Variants in ADAMTS2 observed in about 807,000 individuals in gnomAD.
ADAMTS2 encodes A disintegrin and metalloproteinase with thrombospondin motifs 2.
Under a neutral mutation model 123.0 loss-of-function variants are expected in ADAMTS2, and 50 were observed. The observed-to-expected ratio is 0.41, with a 90% CI of 0.32 to 0.51. The LOEUF is 0.51. Among genes scored for constraint, ADAMTS2 ranks in the 20% least tolerant of loss-of-function variants. The pLI is 0.35. For missense variants in ADAMTS2, 1,494 were observed against 1,705.2 expected (o/e 0.88, Z 2.18); for synonymous variants, 678 against 695.4 (o/e 0.98, Z 0.39).
intron 3 of ADAMTS2, among the ~76,000 whole-genome samples, chr5:179,244,521 AAAGC>A (rs1765738881): frequency 6.6e-6 from 1 of 152,240 alleles, no homozygotes; most frequent in Admixed American, 6.5e-5. Context: ...CTTCAAGCTG[AAAGC>A]AAGTGACCTC....
At chr5:179,261,169 T>G (rs1766212337) in intron 3 of ADAMTS2, among the ~76,000 whole-genome samples, 1 of 152,062 alleles carries the variant, frequency 6.6e-6, no homozygotes, top group East Asian at 1.9e-4. Context: ...TCCCAATATA[T>G]AAGACCCCAG....
intron 3 of ADAMTS2, among the ~76,000 whole-genome samples, chr5:179,223,447 C>A (rs1458102028): frequency 6.6e-6 from 1 of 150,786 alleles, no homozygotes; most frequent in Non-Finnish European, 1.5e-5. Flanking sequence ...CGCACTCACA[C>A]ACGCACACTC....
intron 19 of ADAMTS2, among the ~76,000 whole-genome samples, chr5:179,123,660 T>C (rs911109559): frequency 2.6e-5 from 4 of 152,292 alleles, no homozygotes; most frequent in South Asian, 2.1e-4. Flanking sequence ...AACACCTGAG[T>C]TCAGGCGATC....
At position 179,332,990 on chromosome 5, in the gene ADAMTS2, C is replaced by CCGCTTG. The variant is rs1219422063; in HGVS notation, c.534+10771_534+10776dup. Among the ~76,000 whole-genome samples, 2 of 152,320 alleles carry CCGCTTG rather than the reference C, an allele frequency of 1.3e-5. No homozygotes were observed. The highest frequency in any genetic ancestry group is 2.9e-5 in the Non-Finnish European group (2 of 68,018). On this transcript the variant is annotated intron_variant, in intron 2 of 21. Coordinates refer to ENST00000251582, the MANE Select transcript of ADAMTS2 (RefSeq NM_014244.5). This position sits in a 1 kb window ranked among gnomAD's most constrained non-coding sequence, Gnocchi z 4.2. ...GGGAGCCCTCACCCCCTTATCCTGC[C>CCGCTTG]CGCTTGCCTGTGAGGACCCCTCCCT...
intron 5 of ADAMTS2, among the ~76,000 whole-genome samples, chr5:179,173,212 T>TTAATAATAATAA (rs71589488): frequency 0.02 from 2,889 of 145,138 alleles, 91 homozygotes; most frequent in African/African-American, 0.069. Flanking sequence ...ACCCCATCTC[T>TTAATAATAATAA]TAATAATAAT....
Position 179,115,650 on chromosome 5 carries a change from A to G in ADAMTS2, c.3179-1326T>C, listed in dbSNP as rs1040701503. Among the ~76,000 whole-genome samples, 1 of 152,118 alleles carries G rather than the reference A, an allele frequency of 6.6e-6. No homozygotes were observed. The highest frequency in any genetic ancestry group is 1.5e-5 in the Non-Finnish European group (1 of 68,030). On this transcript the variant is annotated intron_variant, in intron 21 of 21. Coordinates refer to ENST00000251582, the MANE Select transcript of ADAMTS2 (RefSeq NM_014244.5). The surrounding 1 kb of genome is among the most constrained non-coding windows in gnomAD (Gnocchi z 4.4). The stretch of plus-strand genomic sequence containing the variant: ...AGGAACTGAAGGAAGGAAAGAAAGG[A>G]AAAAAGGAAAGGGAGGGAGGGACAA...
chr5:179,153,561 G>A lies in ADAMTS2; in HGVS notation c.1445C>T (p.Pro482Leu), dbSNP rs772710280. ...AHDWPALPQLPGLHYSMNEQC... is the reference protein window; with the variant it reads ...AHDWPALPQLLGLHYSMNEQC... ...CTCGTTCATGGAGTAGTGCAGTCCC[G>A]GGAGCTGGGGCAGCGCCGGCCAGTC... The change falls in exon 9 of 22, where the codon CCG becomes CTG. Residue 482 changes from proline (P) to leucine (L), a missense_variant. Around this residue, in one of 6 missense-constraint regions of ADAMTS2, gnomAD observed 953 missense variants for 1,124.7 expected, o/e 0.85. Transcript: ENST00000251582. 34 of 1,609,894 alleles carry A rather than the reference G, an allele frequency of 2.1e-5. No individual in the cohort carries two copies. In the East Asian group the frequency reaches 5.1e-4, roughly 24 times the overall value.
intron 3 of ADAMTS2, among the ~76,000 whole-genome samples, chr5:179,224,354 C>G (rs1032579418): frequency 6.6e-6 from 1 of 152,242 alleles, no homozygotes; most frequent in African/African-American, 2.4e-5. Flanking sequence ...GCAATTCTCA[C>G]TCGGGCCTCC....
chr5:179,208,163 G>T, intron 3 of ADAMTS2, among the ~76,000 whole-genome samples: 1 of 151,124 alleles, frequency 6.6e-6, no homozygotes, highest in African/African-American at 2.4e-5. Flanking sequence ...CACACTGCCC[G>T]ATGCTGGAGT....
intron 3 of ADAMTS2, among the ~76,000 whole-genome samples, chr5:179,241,480 T>C (rs1036080503): frequency 2.6e-5 from 4 of 152,198 alleles, no homozygotes; most frequent in African/African-American, 9.7e-5. Flanking sequence ...TGCTCTTTCA[T>C]GAGTCAGGGC....
intron 3 of ADAMTS2, among the ~76,000 whole-genome samples, chr5:179,215,478 C>T (rs1764961232): frequency 6.6e-6 from 1 of 152,044 alleles, no homozygotes; most frequent in Admixed American, 6.5e-5. Context: ...AAAAAACTTC[C>T]AAAAACAGAT....
At chr5:179,269,342 G>A (rs535231812) in intron 3 of ADAMTS2, among the ~76,000 whole-genome samples, 15 of 152,290 alleles carry the variant, frequency 9.8e-5, no homozygotes, top group African/African-American at 3.4e-4. Context: ...AGACATACCC[G>A]AGACTGGGCA....
intron 2 of ADAMTS2, among the ~76,000 whole-genome samples, chr5:179,306,281 G>A (rs1756669943): frequency 6.6e-6 from 1 of 152,180 alleles, no homozygotes; most frequent in Admixed American, 6.5e-5. Flanking sequence ...GACAAGTCAT[G>A]TTTGTCCTGG....
rs1764143235 is a variant in ADAMTS2 at position 179,185,267 on chromosome 5, G to A, written c.892-4112C>T. ...GCCTTACGGAAAGTAGATGGAAGGG[G>A]TCAAGATGTGGGAATGTGGGGTTCA... is the stretch of plus-strand genomic sequence containing the variant. On this transcript the variant is annotated intron_variant, in intron 4 of 21. Coordinates refer to ENST00000251582, the MANE Select transcript of ADAMTS2 (RefSeq NM_014244.5). This position sits in a 1 kb window ranked among gnomAD's most constrained non-coding sequence, Gnocchi z 5.9. Among the ~76,000 whole-genome samples, 1 of 152,226 alleles carries A rather than the reference G, an allele frequency of 6.6e-6. No homozygotes were observed. Among genetic ancestry groups the A allele is most frequent in the South Asian group, 2.1e-4 (1 of 4,828 alleles).
rs193242252 is a variant in ADAMTS2 at position 179,307,951 on chromosome 5, G to A, written c.535-34887C>T. On this transcript the variant is annotated intron_variant, in intron 2 of 21. Coordinates refer to ENST00000251582, the MANE Select transcript of ADAMTS2 (RefSeq NM_014244.5). The surrounding 1 kb of genome is among the most constrained non-coding windows in gnomAD (Gnocchi z 5.6). ...TCTGCCCCCTGACCAGGGATCTTAC[G>A]AGAGCAAAGTTGTCCTTGCTGGGTC... 2.3e-4 allele frequency among the ~76,000 whole-genome samples: 35 copies of A among 152,262 alleles called. 1 individual carries two copies. Among genetic ancestry groups the A allele is most frequent in the Admixed American group, 7.2e-4 (11 of 15,298 alleles).
Position 179,128,057 on chromosome 5 carries a change from G to A in ADAMTS2, c.2519C>T (p.Ser840Leu). Residue 840 changes from serine to leucine, a missense_variant, in exon 17 of 22, where the codon TCA becomes TTA. By Grantham distance (145) the Ser-to-Leu change is moderately radical (BLOSUM62 -2). This residue lies in a region of ADAMTS2 where 953 missense variants were observed against 1,124.7 expected (regional missense o/e 0.85). Transcript: ENST00000251582. The surrounding 1 kb of genome is among the most constrained non-coding windows in gnomAD (Gnocchi z 4.9). ...GACGTTGTTGTCGTCGACATTCAGT[G>A]AGTCCTCATGGATCATGTATTTGTA... ...LTYKYMIHED[S>L]LNVDDNNVLE... 2 of 1,614,040 alleles carry A rather than the reference G, an allele frequency of 1.2e-6. No homozygotes were observed. Among genetic ancestry groups the A allele is most frequent in the Non-Finnish European group, 1.7e-6 (2 of 1,180,030 alleles).
At chr5:179,289,941 G>C (rs937265906) in intron 2 of ADAMTS2, among the ~76,000 whole-genome samples, 1 of 152,222 alleles carries the variant, frequency 6.6e-6, no homozygotes. Flanking sequence ...CCTCAGATGG[G>C]AGGAAACGGG....
At position 179,132,382 on chromosome 5, in the gene ADAMTS2, G is replaced by A. The variant is rs897780853; in HGVS notation, c.2210-72C>T. The A allele has an allele frequency of 1.7e-4, 248 of 1,445,452 alleles. No individual in the cohort carries two copies. Among genetic ancestry groups the A allele is most frequent in the Non-Finnish European group, 2.3e-4 (240 of 1,035,892 alleles). The allele number at this position is 1,445,452 out of a possible 1,614,324, so 89.5% of individuals were successfully genotyped here. A position where few individuals can be genotyped will look rare whatever the true frequency, so the allele number is the denominator to read the frequency against. The stretch of plus-strand genomic sequence containing the variant: ...CGCTCAAATTCGCACCATGCAAGGA[G>A]GGGCCTCGCTCTTGAAGGCAGCTCC... On this transcript the variant is annotated intron_variant, in intron 14 of 21. Coordinates refer to ENST00000251582, the MANE Select transcript of ADAMTS2 (RefSeq NM_014244.5). The surrounding 1 kb of genome is among the most constrained non-coding windows in gnomAD (Gnocchi z 6.1).
At chr5:179,310,076 C>T (rs911947515) in intron 2 of ADAMTS2, among the ~76,000 whole-genome samples, 2 of 152,234 alleles carry the variant, frequency 1.3e-5, no homozygotes, top group African/African-American at 4.8e-5. Context: ...AGGTTGATGC[C>T]TTGACTGCTC....
Sources: gnomAD v4.1 joint callset for allele counts (sites outside exome capture counted in the v4.1 genomes callset) on GRCh38, gnomAD v4.1.1 for gene constraint, gnomAD v4.1.1 regional missense constraint, Gnocchi (gnomAD v3.1) non-coding constraint, MANE v1.5 for transcripts, NCBI Gene and HGNC (gene_info 2026-07-23, HGNC 2026-07-21) for gene names.